Variants in ANP32A observed in about 807,000 individuals in gnomAD.
ANP32A encodes the protein acidic leucine-rich nuclear phosphoprotein 32 family member A.
ANP32A carries 1 observed loss-of-function variant against 33.9 expected under a neutral mutation model. The observed-to-expected ratio is 0.03, with a 90% confidence interval of 0.01 to 0.14. The LOEUF is 0.14. ANP32A is among the 10% of genes least tolerant of loss of function. The pLI, the probability that ANP32A is intolerant of heterozygous loss-of-function variation, is 1.00. For missense variants in ANP32A, 155 were observed against 306.0 expected, an observed-to-expected ratio of 0.51 and a Z score of 3.68; for synonymous variants, 115 against 120.5, an observed-to-expected ratio of 0.95 and a Z score of 0.30.
chr15:68,802,934 G>A lies in ANP32A; in HGVS notation c.55-15015C>T, dbSNP rs528329172. ...CTCCCAAAGTGCTGGGATTACAGACGTGAGCCATTGTGCCCAGCCCAGAGT... is the reference window on the plus strand; with the variant it reads ...CTCCCAAAGTGCTGGGATTACAGACATGAGCCATTGTGCCCAGCCCAGAGT... On this transcript the variant is annotated intron_variant, in intron 1 of 6. Coordinates refer to ENST00000465139, the MANE Select transcript of ANP32A (RefSeq NM_006305.4). Among the ~76,000 whole-genome samples, 8 of 152,294 alleles carry A rather than the reference G, an allele frequency of 5.3e-5. No individual in the cohort carries two copies. The East Asian group carries it at 9.6e-4, about 18-fold the overall frequency.
At chr15:68,797,239 A>G (rs1346223123) in intron 1 of ANP32A, among the ~76,000 whole-genome samples, 1 of 152,098 alleles carries the variant, frequency 6.6e-6, no homozygotes, top group Non-Finnish European at 1.5e-5. Flanking sequence ...CTATCCTCTC[A>G]CAGGTCATTG....
chr15:68,816,675 G>A (rs1894386463), intron 1 of ANP32A, among the ~76,000 whole-genome samples: 1 of 152,092 alleles, frequency 6.6e-6, no homozygotes, highest in African/African-American at 2.4e-5. Flanking sequence ...CGTTTTACAG[G>A]TGAAGAAACA....
chr15:68,814,929 G>C (rs1894360349), intron 1 of ANP32A, among the ~76,000 whole-genome samples: 1 of 152,188 alleles, frequency 6.6e-6, no homozygotes, highest in African/African-American at 2.4e-5. Flanking sequence ...ATGACATCTA[G>C]AACCTAAGAG....
rs967188228 is a variant in ANP32A at position 68,802,149 on chromosome 15, C to CT, written c.55-14231dup. Among the ~76,000 whole-genome samples the CT allele has an allele frequency of 5.9e-5, 9 of 151,678 alleles. 1 individual carries two copies. The South Asian group carries it at 1.7e-3, about 28-fold the overall frequency. ...TGGACTCGCTGGTTCAAGGTCACCTCTTTTTTTTTCTCCTTTTCAATTTTT... is the reference window on the plus strand; with the variant it reads ...TGGACTCGCTGGTTCAAGGTCACCTCTTTTTTTTTTCTCCTTTTCAATTTTT... On this transcript the variant is annotated intron_variant, in intron 1 of 6. Transcript: ENST00000465139.
At chr15:68,797,494 T>C (rs927633245) in intron 1 of ANP32A, among the ~76,000 whole-genome samples, 7 of 152,088 alleles carry the variant, frequency 4.6e-5, no homozygotes, top group Admixed American at 3.3e-4. Flanking sequence ...TTTGATCACA[T>C]CACATCATGT....
At chr15:68,804,272 T>TA (rs895972532) in intron 1 of ANP32A, among the ~76,000 whole-genome samples, 1 of 152,148 alleles carries the variant, frequency 6.6e-6, no homozygotes, top group Admixed American at 6.5e-5. Flanking sequence ...GGGTCAAAGC[T>TA]AAGATTCCAG....
At chr15:68,813,644 G>C (rs1221851533) in intron 1 of ANP32A, among the ~76,000 whole-genome samples, 4 of 152,168 alleles carry the variant, frequency 2.6e-5, no homozygotes, top group Admixed American at 6.5e-5. Flanking sequence ...CCAAAACAAA[G>C]AGGAGGGATG....
At chr15:68,787,382 C>T in intron 3 of ANP32A, 31 bp downstream of exon 3, 1 of 1,614,052 alleles carries the variant, frequency 6.2e-7, no homozygotes, top group Non-Finnish European at 8.5e-7. Flanking sequence ...CCTCCTACCC[C>T]TGCAGGGAGG....
chr15:68,782,264 C>G (rs1362951514), intron 5 of ANP32A, among the ~76,000 whole-genome samples: 1 of 152,196 alleles, frequency 6.6e-6, no homozygotes, highest in East Asian at 1.9e-4. Context: ...CAGACACTTA[C>G]CCCTTGTCAG....
intron 1 of ANP32A, among the ~76,000 whole-genome samples, chr15:68,806,245 G>GT (rs1347554771): frequency 6.6e-6 from 1 of 152,200 alleles, no homozygotes; most frequent in African/African-American, 2.4e-5. Flanking sequence ...TTCTGGTACA[G>GT]TGGGTGCCTC....
intron 1 of ANP32A, among the ~76,000 whole-genome samples, chr15:68,798,067 C>T (rs1312680293): frequency 3.3e-5 from 5 of 152,212 alleles, no homozygotes; most frequent in African/African-American, 7.2e-5. Flanking sequence ...CTGACAGATA[C>T]GGTTAATTCT....
intron 1 of ANP32A, among the ~76,000 whole-genome samples, chr15:68,807,515 G>A (rs1472837758): frequency 1.3e-5 from 2 of 151,156 alleles, no homozygotes; most frequent in African/African-American, 4.8e-5. Context: ...TCCTGGGGCA[G>A]GCCGAGACAG....
Position 68,787,798 on chromosome 15 carries a change from T to C in ANP32A, c.176A>G (p.Asn59Ser). The C allele has an allele frequency of 1.2e-6, 2 of 1,614,092 alleles. No individual in the cohort carries two copies. Among genetic ancestry groups the C allele is most frequent in the Non-Finnish European group, 1.7e-6 (2 of 1,180,006 alleles). Residue 59 changes from asparagine (N) to serine (S), a missense_variant, in exon 2 of 7, where the codon AAC becomes AGC. Asn to Ser is a conservative substitution (Grantham distance 46, BLOSUM62 1). This residue lies in a region of ANP32A where 85 missense variants were observed against 183.8 expected (regional missense o/e 0.46). Transcript: ENST00000465139. ...CTTAAGTTTGTTTAACTTTGGTAAG[T>C]TTGCGATTGAGGTGAGGCCTACGTT... is the stretch of plus-strand genomic sequence containing the variant. Reference protein sequence around the residue: ...TINVGLTSIANLPKLNKLKKL... With the variant: ...TINVGLTSIASLPKLNKLKKL...
intron 1 of ANP32A, among the ~76,000 whole-genome samples, chr15:68,799,826 T>C (rs1334562350): frequency 6.6e-6 from 1 of 152,200 alleles, no homozygotes. Flanking sequence ...GAACTAGTGA[T>C]GTTTAGGCTT....
intron 5 of ANP32A, chr15:68,781,023 TCAAGA>T (rs1021470022): frequency 6.5e-6 from 1 of 153,984 alleles, no homozygotes; most frequent in African/African-American, 2.4e-5. Flanking sequence ...GAAGATAAAT[TCAAGA>T]CCCCCTGAGG....
chr15:68,817,942 G>A (rs1310445935), intron 1 of ANP32A, among the ~76,000 whole-genome samples: 2 of 152,184 alleles, frequency 1.3e-5, no homozygotes, highest in Admixed American at 6.5e-5. Context: ...CCCGGCAGTC[G>A]TGCCACAGGC....
At chr15:68,809,501 T>C (rs1480008369) in intron 1 of ANP32A, among the ~76,000 whole-genome samples, 1 of 152,226 alleles carries the variant, frequency 6.6e-6, no homozygotes, top group African/African-American at 2.4e-5. Context: ...GCGTTACATT[T>C]TATAATGTCC....
chr15:68,819,425 C>T (rs1894439804), intron 1 of ANP32A, among the ~76,000 whole-genome samples: 1 of 152,240 alleles, frequency 6.6e-6, no homozygotes, highest in Admixed American at 6.5e-5. Context: ...TCGAGCCTCG[C>T]GATTCCCACC....
Position 68,780,307 on chromosome 15 carries a change from A to G in ANP32A, c.688+103T>C. 2 of 1,586,248 alleles carry G rather than the reference A, an allele frequency of 1.3e-6. No individual in the cohort carries two copies. The highest frequency in any genetic ancestry group is 1.7e-6 in the Non-Finnish European group (2 of 1,167,072). ...GGAAGGGGAATCTGAGGCCTCTGAC[A>G]GGAGTGTCCTGCCCACTGCCAGGGG... On this transcript the variant is annotated intron_variant, in intron 6 of 6. Transcript: ENST00000465139. This position sits in a 1 kb window ranked among gnomAD's most constrained non-coding sequence, Gnocchi z 4.3.
Sources: gnomAD v4.1 joint callset for allele counts (sites outside exome capture counted in the v4.1 genomes callset) on GRCh38, gnomAD v4.1.1 for gene constraint, gnomAD v4.1.1 regional missense constraint, Gnocchi (gnomAD v3.1) non-coding constraint, MANE v1.5 for transcripts, NCBI Gene and HGNC (gene_info 2026-07-23, HGNC 2026-07-21) for gene names.